Variants in RBFOX1 observed in about 807,000 individuals in gnomAD.
RBFOX1 encodes RNA binding protein fox-1 homolog 1.
RBFOX1 carries 8 observed loss-of-function variants against 57.7 expected under a neutral mutation model. The observed-to-expected ratio is 0.14, with a 90% CI of 0.08 to 0.25. The LOEUF is 0.25. Among genes scored for constraint, RBFOX1 ranks in the 10% least tolerant of loss-of-function variants. The pLI is 1.00. For synonymous variants in RBFOX1, 326 were observed against 222.4 expected (o/e 1.47, Z -4.15); for missense variants, 611 against 548.5 (o/e 1.11, Z -1.14).
intron 3 of RBFOX1, among the ~76,000 whole-genome samples, chr16:6,986,650 C>A (rs1419231533): frequency 6.6e-6 from 1 of 152,118 alleles, no homozygotes. Context: ...TCCTCTGTCT[C>A]CCTCTTTTCC....
chr16:7,380,714 TGCACCTGAATATTCCATG>T (rs2097770185), intron 4 of RBFOX1, among the ~76,000 whole-genome samples: 1 of 152,214 alleles, frequency 6.6e-6, no homozygotes, highest in Non-Finnish European at 1.5e-5. Flanking sequence ...TGTTTTCGTT[TGCACCTGAATATTCCATG>T]GCTATAGCCA....
At chr16:5,666,830 G>A (rs539050589) in intron 3 of RBFOX1, among the ~76,000 whole-genome samples, 16 of 152,254 alleles carry the variant, frequency 1.1e-4, no homozygotes, top group Non-Finnish European at 1.0e-4. Flanking sequence ...GGGTAACTCC[G>A]GATTTTCATT....
intron 1 of RBFOX1, among the ~76,000 whole-genome samples, chr16:6,293,328 A>G (rs750379329): frequency 2.1e-4 from 32 of 152,314 alleles, no homozygotes; most frequent in Non-Finnish European, 4.1e-4. Flanking sequence ...ACAGCCTCTC[A>G]ATACTTACAT....
intron 4 of RBFOX1, among the ~76,000 whole-genome samples, chr16:7,320,845 G>C (rs2096532275): frequency 6.6e-6 from 1 of 152,212 alleles, no homozygotes; most frequent in Admixed American, 6.5e-5. Flanking sequence ...TAAGGGGAGT[G>C]TTATTGCCCC....
At chr16:5,848,772 C>T (rs1428410694) in intron 3 of RBFOX1, among the ~76,000 whole-genome samples, 1 of 151,934 alleles carries the variant, frequency 6.6e-6, no homozygotes, top group Non-Finnish European at 1.5e-5. Context: ...CATGGTGAAA[C>T]CCCGTCTCTA....
chr16:5,659,370 C>A (rs1157854522), intron 3 of RBFOX1, among the ~76,000 whole-genome samples: 2 of 148,534 alleles, frequency 1.3e-5, no homozygotes, highest in South Asian at 4.3e-4. Context: ...GTGGCGCCAT[C>A]CCCGCTCACT....
intron 1 of RBFOX1, among the ~76,000 whole-genome samples, chr16:5,255,346 A>C (rs200308737): frequency 1.1e-4 from 13 of 122,746 alleles, no homozygotes; most frequent in African/African-American, 2.2e-4. Flanking sequence ...CCATCCATCC[A>C]TCCATCCCTC....
At chr16:6,740,915 A>G (rs940310825) in intron 3 of RBFOX1, among the ~76,000 whole-genome samples, 1 of 152,220 alleles carries the variant, frequency 6.6e-6, no homozygotes, top group African/African-American at 2.4e-5. Flanking sequence ...AGTTGTTAAC[A>G]CAATTTTGAA....
At chr16:6,254,158 A>G (rs2097646051) in intron 1 of RBFOX1, among the ~76,000 whole-genome samples, 1 of 152,166 alleles carries the variant, frequency 6.6e-6, no homozygotes, top group African/African-American at 2.4e-5. Context: ...CACCCTCGTC[A>G]ATAGCATTTA....
intron 3 of RBFOX1, among the ~76,000 whole-genome samples, chr16:5,819,289 G>A (rs910258464): frequency 6.6e-6 from 1 of 152,130 alleles, no homozygotes; most frequent in East Asian, 1.9e-4. Flanking sequence ...TCTTTTATAA[G>A]GGCCCTAATC....
chr16:7,134,342 A>T (rs535673642), intron 4 of RBFOX1, among the ~76,000 whole-genome samples: 4 of 152,202 alleles, frequency 2.6e-5, no homozygotes, highest in African/African-American at 7.2e-5. Flanking sequence ...ATACTGCTCC[A>T]GTATATATAA....
At chr16:7,362,411 TTTG>T (rs1568417973) in intron 4 of RBFOX1, among the ~76,000 whole-genome samples, 1 of 151,758 alleles carries the variant, frequency 6.6e-6, no homozygotes, top group Non-Finnish European at 1.5e-5. Flanking sequence ...GTGTATATGT[TTTG>T]TGTGTATGCG....
intron 2 of RBFOX1, among the ~76,000 whole-genome samples, chr16:6,400,239 A>AT (rs138892397): frequency 0.025 from 3,842 of 152,314 alleles, 93 homozygotes; most frequent in African/African-American, 0.06. Context: ...TTTTTGAAAT[A>AT]TTGTTAACTA....
intron 3 of RBFOX1, among the ~76,000 whole-genome samples, chr16:5,776,436 C>A (rs1268659347): frequency 6.6e-6 from 1 of 152,152 alleles, no homozygotes; most frequent in East Asian, 1.9e-4. Flanking sequence ...ATTGGTTGAC[C>A]TGAGACAGAA....
At chr16:6,674,858 G>A (rs2057343777) in intron 3 of RBFOX1, among the ~76,000 whole-genome samples, 1 of 152,036 alleles carries the variant, frequency 6.6e-6, no homozygotes, top group South Asian at 2.1e-4. Context: ...TCCAGAACTG[G>A]GAGAGAATAA....
intron 3 of RBFOX1, among the ~76,000 whole-genome samples, chr16:6,706,108 A>T (rs2062699164): frequency 6.6e-6 from 1 of 152,202 alleles, no homozygotes; most frequent in Non-Finnish European, 1.5e-5. Flanking sequence ...GCTTAGCCCC[A>T]GTGGCTGGCT....
intron 3 of RBFOX1, among the ~76,000 whole-genome samples, chr16:6,701,098 C>T (rs2061769460): frequency 6.6e-6 from 1 of 151,340 alleles, no homozygotes; most frequent in Non-Finnish European, 1.5e-5. Flanking sequence ...TTGGGGAGCT[C>T]CAGAGGTGAA....
At chr16:6,938,646 A>G (rs1567976667) in intron 3 of RBFOX1, among the ~76,000 whole-genome samples, 2 of 152,162 alleles carry the variant, frequency 1.3e-5, no homozygotes, top group East Asian at 1.9e-4. Context: ...TCTAGGTTAA[A>G]GGGCAGAAAA....
chr16:7,444,180 G>T (rs2098791346), intron 4 of RBFOX1, among the ~76,000 whole-genome samples: 1 of 152,168 alleles, frequency 6.6e-6, no homozygotes. Flanking sequence ...TAGTTATGCA[G>T]GTCTTCCGTG....
Sources: allele counts gnomAD v4.1 joint callset (sites outside exome capture counted in the v4.1 genomes callset), GRCh38; gene constraint gnomAD v4.1.1; transcripts MANE v1.5; gene names NCBI Gene and HGNC (gene_info 2026-07-23, HGNC 2026-07-21).